Variants in NLGN1 observed in about 807,000 individuals in gnomAD.
NLGN1 encodes the protein neuroligin 1, also known as neuroligin-1.
In NLGN1, 12 loss-of-function variants were observed where a neutral mutation model predicts 65.5. The observed-to-expected ratio is 0.18, with a 90% CI of 0.12 to 0.30. NLGN1 has a LOEUF of 0.30. Among genes scored for constraint, NLGN1 ranks in the 10% least tolerant of loss-of-function variants. The pLI is 1.00. For synonymous variants in NLGN1, 350 were observed against 359.5 expected, an observed-to-expected ratio of 0.97 and a Z score of 0.30; for missense variants, 750 against 1,007.1, an observed-to-expected ratio of 0.74 and a Z score of 3.46.
intron 4 of NLGN1, among the ~76,000 whole-genome samples, chr3:174,150,643 C>T (rs562497333): frequency 6.6e-6 from 1 of 152,206 alleles, no homozygotes; most frequent in African/African-American, 2.4e-5. Flanking sequence ...ATACTGAAGT[C>T]TCTTATCTGA....
chr3:174,155,953 CT>C (rs1409289484), intron 4 of NLGN1, among the ~76,000 whole-genome samples: 1 of 151,866 alleles, frequency 6.6e-6, no homozygotes, highest in African/African-American at 2.4e-5. Flanking sequence ...TATAATCTAG[CT>C]ACAATACTTT....
chr3:173,510,963 A>G (rs1177281551), intron 2 of NLGN1, among the ~76,000 whole-genome samples: 1 of 152,230 alleles, frequency 6.6e-6, no homozygotes, highest in East Asian at 1.9e-4. Flanking sequence ...TCTTAAATCT[A>G]GGAACCAATT....
intron 3 of NLGN1, among the ~76,000 whole-genome samples, chr3:173,797,478 G>C (rs998490347): frequency 2.6e-5 from 4 of 151,902 alleles, no homozygotes; most frequent in African/African-American, 9.7e-5. Flanking sequence ...TGGGATAACT[G>C]GACTTAATCC....
At chr3:174,011,167 A>G (rs769401071) in intron 4 of NLGN1, among the ~76,000 whole-genome samples, 3 of 152,222 alleles carry the variant, frequency 2.0e-5, no homozygotes, top group Non-Finnish European at 2.9e-5. Context: ...CTCTGTGGTC[A>G]AATGCATTCA....
chr3:173,869,054 A>G (rs1578887141), intron 4 of NLGN1, among the ~76,000 whole-genome samples: 3 of 152,288 alleles, frequency 2.0e-5, no homozygotes, highest in Admixed American at 2.0e-4. Flanking sequence ...TTTTGAGTAT[A>G]TTTTACTAAA....
At chr3:174,215,826 C>T (rs1230659352) in intron 4 of NLGN1, among the ~76,000 whole-genome samples, 5 of 152,134 alleles carry the variant, frequency 3.3e-5, no homozygotes, top group African/African-American at 7.2e-5. Context: ...TTTCTACACT[C>T]GTCACTGGCT....
rs531174059 is a variant in NLGN1, at chr3:174,275,229, T to C, written c.647-86T>C. 1,484 of 959,448 alleles carry C rather than the reference T, an allele frequency of 1.5e-3. 31 individuals are homozygous for C. The South Asian group carries it at 0.02, about 13-fold the overall frequency. 59.4% of individuals were successfully genotyped at this position (959,448 alleles called of 1,614,324 possible). On this transcript the variant is annotated intron_variant, in intron 4 of 6. Coordinates refer to ENST00000457714, the Ensembl canonical transcript of NLGN1. ...GAACTTGGACTGTCCCTACCTTGAT[T>C]AATACAGGCTTCATTTGTGTTTAAA...
intron 4 of NLGN1, among the ~76,000 whole-genome samples, chr3:173,947,944 T>TG (rs1747495645): frequency 6.6e-6 from 1 of 152,210 alleles, no homozygotes; most frequent in Non-Finnish European, 1.5e-5. Flanking sequence ...TAGTACCTGT[T>TG]GCTGTAAGAG....
intron 4 of NLGN1, among the ~76,000 whole-genome samples, chr3:173,835,344 A>G (rs1419983260): frequency 6.6e-6 from 1 of 152,114 alleles, no homozygotes; most frequent in Admixed American, 6.6e-5. Context: ...CTTTTTAATA[A>G]AAGATCTTTT....
chr3:173,685,010 C>T (rs1284175148), intron 3 of NLGN1, among the ~76,000 whole-genome samples: 1 of 145,752 alleles, frequency 6.9e-6, no homozygotes, highest in Non-Finnish European at 1.5e-5. Flanking sequence ...ATGTGTGCCA[C>T]CAGTTGAATC....
chr3:173,884,440 G>T lies in NLGN1; in HGVS notation c.646+76608G>T, dbSNP rs561963677. ...TTGATTTATGATGTGTGCTATATAT[G>T]TTCGTAATGATCTTTAAGTAAGTAG... On this transcript the variant is annotated intron_variant, in intron 4 of 6. Transcript: ENST00000457714. 2.4e-3 allele frequency among the ~76,000 whole-genome samples: 372 copies of T among 152,162 alleles called. 3 individuals are homozygous for T. Among genetic ancestry groups the T allele is most frequent in the Non-Finnish European group, 4.1e-3 (280 of 68,010 alleles).
chr3:173,954,584 C>T (rs1414079160), intron 4 of NLGN1, among the ~76,000 whole-genome samples: 1 of 151,972 alleles, frequency 6.6e-6, no homozygotes, highest in Admixed American at 6.6e-5. Flanking sequence ...TGCTTCTTCC[C>T]ATATCCCACC....
chr3:173,557,813 A>G (rs1373759878), intron 2 of NLGN1, among the ~76,000 whole-genome samples: 1 of 152,108 alleles, frequency 6.6e-6, no homozygotes, highest in Non-Finnish European at 1.5e-5. Flanking sequence ...CAAATTTTTA[A>G]AAAAGTATTT....
chr3:173,541,906 T>C (rs1260556798), intron 2 of NLGN1, among the ~76,000 whole-genome samples: 1 of 152,082 alleles, frequency 6.6e-6, no homozygotes, highest in African/African-American at 2.4e-5. Flanking sequence ...ATTTTGTTCA[T>C]TCTTTTTGCT....
At chr3:173,439,655 A>G (rs1167113465) in intron 2 of NLGN1, among the ~76,000 whole-genome samples, 1 of 152,086 alleles carries the variant, frequency 6.6e-6, no homozygotes, top group Admixed American at 6.6e-5. Flanking sequence ...TCTAGTGCAT[A>G]TAAAAGTTAT....
chr3:173,587,011 C>T (rs1039836770), intron 2 of NLGN1, among the ~76,000 whole-genome samples: 4 of 152,114 alleles, frequency 2.6e-5, no homozygotes, highest in African/African-American at 9.7e-5. Flanking sequence ...TGGAATTTCT[C>T]TTTTTAAGCT....
chr3:173,925,998 G>A (rs1276829138), intron 4 of NLGN1, among the ~76,000 whole-genome samples: 1 of 151,788 alleles, frequency 6.6e-6, no homozygotes, highest in African/African-American at 2.4e-5. Flanking sequence ...TATTTTTAGT[G>A]CTGTCATTTT....
At chr3:173,422,972 C>T (rs935934201) in intron 1 of NLGN1, among the ~76,000 whole-genome samples, 4 of 152,158 alleles carry the variant, frequency 2.6e-5, no homozygotes, top group African/African-American at 9.7e-5. Context: ...TCTTTCCTGA[C>T]TTTATTGTCA....
intron 4 of NLGN1, among the ~76,000 whole-genome samples, chr3:174,083,508 C>G (rs1183493851): frequency 6.6e-6 from 1 of 152,032 alleles, no homozygotes; most frequent in African/African-American, 2.4e-5. Flanking sequence ...TTCGAAAACA[C>G]ATAGTGAATT....
Sources: gnomAD v4.1 joint callset for allele counts (sites outside exome capture counted in the v4.1 genomes callset) on GRCh38, gnomAD v4.1.1 for gene constraint, MANE v1.5 for transcripts, NCBI Gene and HGNC (gene_info 2026-07-23, HGNC 2026-07-21) for gene names.